The following NLGN1 variants were observed in gnomAD, a reference collection of about 807,000 sequenced individuals.
The protein encoded by NLGN1 is neuroligin 1, also known as neuroligin-1.
NLGN1 carries 12 observed loss-of-function variants against 65.5 expected under a neutral mutation model. The observed-to-expected ratio is 0.18, with a 90% confidence interval of 0.12 to 0.30. NLGN1 has a LOEUF of 0.30. NLGN1 is among the 10% of genes least tolerant of loss of function. The probability of loss-of-function intolerance (pLI) is 1.00; values close to 1 mark genes in which losing one functional copy is unlikely to be tolerated. For missense variants in NLGN1, 750 were observed against 1,007.1 expected (o/e 0.74, Z 3.46); for synonymous variants, 350 against 359.5 (o/e 0.97, Z 0.30).
chr3:173,478,548 TTAAAAA>T (rs750835448), intron 2 of NLGN1, among the ~76,000 whole-genome samples: 6 of 152,268 alleles, frequency 3.9e-5, no homozygotes, highest in Admixed American at 6.5e-5. Context: ...ATGCTGCAAC[TTAAAAA>T]TAAAAATTAA....
chr3:173,433,427 A>T (rs761028090), intron 1 of NLGN1, among the ~76,000 whole-genome samples: 1 of 152,034 alleles, frequency 6.6e-6, no homozygotes, highest in African/African-American at 2.4e-5. Flanking sequence ...CTTGGATGAA[A>T]ACCCTCCCCT....
chr3:173,452,304 C>T (rs1369643408), intron 2 of NLGN1, among the ~76,000 whole-genome samples: 1 of 152,022 alleles, frequency 6.6e-6, no homozygotes, highest in Admixed American at 6.6e-5. Context: ...CAAGCCTCAG[C>T]CTCCCAAGTA....
chr3:174,282,475 T>C (rs940330600), exon 7 of NLGN1: 3 of 152,250 alleles, frequency 2.0e-5, no homozygotes, highest in South Asian at 2.1e-4. Context: ...ACATCACTTA[T>C]CTTTCTCACT....
intron 4 of NLGN1, among the ~76,000 whole-genome samples, chr3:174,050,059 C>T (rs73880323): frequency 0.024 from 3,654 of 152,008 alleles, 158 homozygotes; most frequent in African/African-American, 0.083. Flanking sequence ...AAATTAGAGG[C>T]CATTTATAAC....
chr3:173,886,935 A>T (rs533258738), intron 4 of NLGN1, among the ~76,000 whole-genome samples: 1 of 152,114 alleles, frequency 6.6e-6, no homozygotes, highest in Non-Finnish European at 1.5e-5. Flanking sequence ...TTTAAAAAAT[A>T]TGGCTCTTTT....
intron 3 of NLGN1, among the ~76,000 whole-genome samples, chr3:173,708,022 C>T (rs1768318861): frequency 6.6e-6 from 1 of 152,180 alleles, no homozygotes; most frequent in Admixed American, 6.5e-5. Flanking sequence ...TTAACAGTGA[C>T]AGGTAAAGCT....
At chr3:174,204,629 G>A (rs1354083340) in intron 4 of NLGN1, among the ~76,000 whole-genome samples, 1 of 152,184 alleles carries the variant, frequency 6.6e-6, no homozygotes, top group Non-Finnish European at 1.5e-5. Flanking sequence ...AATGTAATCT[G>A]ATTAGCAGGA....
At position 174,037,630 on chromosome 3, in the gene NLGN1, A is replaced by C. The variant is rs115849757; in HGVS notation, c.646+229798A>C. On this transcript the variant is annotated intron_variant, in intron 4 of 6. Transcript: ENST00000457714. ...AGGTGAGGAAATAGGAAAGAAAACT[A>C]TTTAGATATTAGCTAAGGCTGATAG... Among the ~76,000 whole-genome samples, 1,030 of 152,364 alleles carry C rather than the reference A, an allele frequency of 6.8e-3. 14 individuals are homozygous for C. The highest frequency in any genetic ancestry group is 0.023 in the African/African-American group (967 of 41,586).
chr3:173,480,238 T>C (rs1217323778), intron 2 of NLGN1, among the ~76,000 whole-genome samples: 2 of 152,046 alleles, frequency 1.3e-5, no homozygotes. Flanking sequence ...GGTATTGCAT[T>C]ATGGAGTCAT....
At chr3:173,675,578 ATTAT>A (rs1047622920) in intron 3 of NLGN1, among the ~76,000 whole-genome samples, 3 of 152,104 alleles carry the variant, frequency 2.0e-5, no homozygotes, top group African/African-American at 7.2e-5. Context: ...ATTTTAGCCA[ATTAT>A]TTTATTCTTG....
At chr3:173,934,119 G>A (rs1385401945) in intron 4 of NLGN1, among the ~76,000 whole-genome samples, 2 of 151,360 alleles carry the variant, frequency 1.3e-5, no homozygotes, top group Non-Finnish European at 2.9e-5. Context: ...ATAACTACAT[G>A]TAAATGAACT....
At chr3:173,808,365 A>G (rs970489783) in intron 4 of NLGN1, among the ~76,000 whole-genome samples, 1 of 152,254 alleles carries the variant, frequency 6.6e-6, no homozygotes, top group African/African-American at 2.4e-5. Context: ...ACATGCATTG[A>G]TTTTATAAAG....
intron 4 of NLGN1, among the ~76,000 whole-genome samples, chr3:173,955,418 C>G (rs1711759819): frequency 6.6e-6 from 1 of 152,036 alleles, no homozygotes; most frequent in African/African-American, 2.4e-5. Flanking sequence ...CATATTTTTC[C>G]CCTTACAAAA....
chr3:173,541,929 G>T (rs972296417), intron 2 of NLGN1, among the ~76,000 whole-genome samples: 1 of 151,792 alleles, frequency 6.6e-6, no homozygotes, highest in African/African-American at 2.4e-5. Context: ...GCATTTGATG[G>T]ACCCTATCAA....
At chr3:173,686,712 T>G (rs1225636014) in intron 3 of NLGN1, among the ~76,000 whole-genome samples, 1 of 152,146 alleles carries the variant, frequency 6.6e-6, no homozygotes, top group Non-Finnish European at 1.5e-5. Flanking sequence ...CCCAGCACTT[T>G]GGGAGGCCGA....
intron 4 of NLGN1, among the ~76,000 whole-genome samples, chr3:174,154,108 G>A (rs1724894371): frequency 6.6e-6 from 1 of 151,948 alleles, no homozygotes; most frequent in African/African-American, 2.4e-5. Flanking sequence ...ATTATATTAG[G>A]TTATTATGGA....
Position 173,903,005 on chromosome 3 carries a change from C to T in NLGN1, c.646+95173C>T, listed in dbSNP as rs73035451. 4.1e-3 allele frequency among the ~76,000 whole-genome samples: 617 copies of T among 152,170 alleles called. 4 individuals carry two copies. Among genetic ancestry groups the T allele is most frequent in the African/African-American group, 0.014 (579 of 41,530 alleles). On this transcript the variant is annotated intron_variant, in intron 4 of 6. Transcript: ENST00000457714. ...AATGCTATAGGAATTTGAGGGCTTA[C>T]CACCCAACTTAGCTTTGGTGTGTCA...
At chr3:173,539,482 CATGTATATGTATGTAT>C (rs1030656761) in intron 2 of NLGN1, among the ~76,000 whole-genome samples, 4 of 140,220 alleles carry the variant, frequency 2.9e-5, no homozygotes, top group Non-Finnish European at 6.1e-5. Flanking sequence ...TACGCATATG[CATGTATATGTATGTAT>C]ATGTATATGT....
At chr3:173,865,428 T>A (rs1012693793) in intron 4 of NLGN1, among the ~76,000 whole-genome samples, 7 of 152,188 alleles carry the variant, frequency 4.6e-5, no homozygotes, top group Non-Finnish European at 1.0e-4. Flanking sequence ...TACATAATAA[T>A]AACCAACATT....
Sources: gnomAD v4.1 joint callset for allele counts (sites outside exome capture counted in the v4.1 genomes callset) on GRCh38, gnomAD v4.1.1 for gene constraint, MANE v1.5 for transcripts, NCBI Gene and HGNC (gene_info 2026-07-23, HGNC 2026-07-21) for gene names.